The following MICAL2 variants were observed in gnomAD, a reference collection of about 807,000 sequenced individuals.
MICAL2 encodes the protein microtubule associated monooxygenase, calponin and LIM domain containing 2.
MICAL2 carries 77 observed loss-of-function variants against 127.3 expected under a neutral mutation model. The ratio of observed to expected loss-of-function variants is 0.60; its 90% CI spans 0.50 to 0.73. The LOEUF is 0.73. Ranked by LOEUF, MICAL2 falls within the 30% of genes least tolerant of loss-of-function variation. The probability of loss-of-function intolerance (pLI) is 0.00; values close to 1 mark genes in which losing one functional copy is unlikely to be tolerated. For missense variants in MICAL2, 1,351 were observed against 1,434.4 expected, an observed-to-expected ratio of 0.94 and a Z score of 0.94; for synonymous variants, 570 against 551.1, an observed-to-expected ratio of 1.03 and a Z score of -0.48.
intron 2 of MICAL2, among the ~76,000 whole-genome samples, chr11:12,282,402 A>C (rs538718453): frequency 6.6e-6 from 1 of 152,198 alleles, no homozygotes; most frequent in South Asian, 2.1e-4. Context: ...TCCAGATATG[A>C]AGTTGGCCTG....
intron 2 of MICAL2, among the ~76,000 whole-genome samples, chr11:12,147,488 A>G (rs1032745067): frequency 6.6e-6 from 1 of 152,254 alleles, no homozygotes; most frequent in Non-Finnish European, 1.5e-5. Flanking sequence ...TTGATTACCA[A>G]CTGAGAACCC....
chr11:12,218,148 C>T (rs950005422), intron 8 of MICAL2, among the ~76,000 whole-genome samples: 1 of 152,196 alleles, frequency 6.6e-6, no homozygotes, highest in Non-Finnish European at 1.5e-5. Context: ...GGGCTTCTTT[C>T]CATGGCTACC....
At chr11:12,320,979 C>T (rs1864288131) in intron 30 of MICAL2, among the ~76,000 whole-genome samples, 1 of 152,024 alleles carries the variant, frequency 6.6e-6, no homozygotes, top group Non-Finnish European at 1.5e-5. Flanking sequence ...TACTGCCCCT[C>T]TCATCCCCTT....
At chr11:12,199,752 C>G (rs375385782) in intron 3 of MICAL2, among the ~76,000 whole-genome samples, 18 of 152,194 alleles carry the variant, frequency 1.2e-4, no homozygotes, top group African/African-American at 3.9e-4. Context: ...CATCCTGACC[C>G]TTGATAAAGA....
chr11:12,114,615 C>T (rs1371347934), intron 1 of MICAL2, among the ~76,000 whole-genome samples: 4 of 152,180 alleles, frequency 2.6e-5, no homozygotes, highest in East Asian at 1.9e-4. Flanking sequence ...GTCTGGGACA[C>T]GCAGAGGCTC....
At chr11:12,213,476 A>T in intron 7 of MICAL2, 66 bp downstream of exon 7, 1 of 1,510,726 alleles carries the variant, frequency 6.6e-7, no homozygotes, top group Admixed American at 2.1e-5. Flanking sequence ...AAGTGTGCAG[A>T]GGCGTGTGCT....
chr11:12,263,403 G>A (rs2279617), intron 27 of MICAL2, 157 bp from the exon 28 acceptor site: 6,847 of 152,476 alleles, frequency 0.045, 365 homozygotes, highest in East Asian at 0.28. Context: ...GGCAACACTC[G>A]CGGTCTCAGG....
intron 29 of MICAL2, among the ~76,000 whole-genome samples, chr11:12,299,357 G>C (rs562990514): frequency 6.6e-6 from 1 of 152,078 alleles, no homozygotes; most frequent in Admixed American, 6.5e-5. Flanking sequence ...TAACTTGGGG[G>C]TGCACACTTC....
chr11:12,172,570 G>A (rs1249644910), intron 3 of MICAL2, among the ~76,000 whole-genome samples: 4 of 152,124 alleles, frequency 2.6e-5, no homozygotes, highest in Admixed American at 2.6e-4. Context: ...TGATATTAGT[G>A]TTGTAGGACT....
chr11:12,282,068 A>T (rs1863778354), intron 2 of MICAL2, among the ~76,000 whole-genome samples: 1 of 152,158 alleles, frequency 6.6e-6, no homozygotes, highest in African/African-American at 2.4e-5. Flanking sequence ...GGTCCGTGAA[A>T]TGTTTTCAGG....
Position 12,151,203 on chromosome 11 carries a change from T to C in MICAL2, c.-77-10876T>C, listed in dbSNP as rs538587781. 4.8e-3 allele frequency among the ~76,000 whole-genome samples: 736 copies of C among 152,242 alleles called. 2 individuals carry two copies. Among genetic ancestry groups the C allele is most frequent in the African/African-American group, 0.017 (699 of 41,532 alleles). ...ATGCTATTTGCAAATAGGGAAAGGA[T>C]GTCTTTTTCAAGATAGGTTGCACAT... On this transcript the variant is annotated intron_variant, in intron 2 of 27. Transcript: ENST00000683283.
At chr11:12,133,571 G>C (rs57899657) in intron 1 of MICAL2, among the ~76,000 whole-genome samples, 13,796 of 151,852 alleles carry the variant, frequency 0.091, 1,352 homozygotes, top group African/African-American at 0.24. Context: ...TTGTGACAGG[G>C]ACTATAGTCG....
At chr11:12,324,078 A>C in intron 31 of MICAL2, 1 of 1,606,234 alleles carries the variant, frequency 6.2e-7, no homozygotes, top group Non-Finnish European at 8.5e-7. Flanking sequence ...CAGGTCAGTA[A>C]ATAAACTGGA....
chr11:12,303,151 A>C (rs78866154), intron 29 of MICAL2, among the ~76,000 whole-genome samples: 2 of 152,262 alleles, frequency 1.3e-5, no homozygotes, highest in East Asian at 3.9e-4. Flanking sequence ...ACCAGGTCCC[A>C]CCCTTGATAC....
At position 12,255,676 on chromosome 11, in the gene MICAL2, G is replaced by T. The variant is rs1214973292; in HGVS notation, c.2881G>T (p.Ala961Ser). Residue 961 changes from alanine (A) to serine (S), a missense_variant, in exon 23 of 28, where the codon GCT becomes TCT. This residue lies in a region of MICAL2 where 752 missense variants were observed against 719.4 expected (regional missense o/e 1.05). Coordinates refer to ENST00000683283, the MANE Select transcript of MICAL2 (RefSeq NM_001282663.2). The stretch of plus-strand genomic sequence containing the variant: ...AGGGAAAGTGTCCAGCGGAATAGGG[G>T]CTGCAGCTGAAGTCCTGGTCAATCT... ...TVGKVSSGIG[A>S]AAEVLVNLYM... The T allele has an allele frequency of 1.9e-6, 3 of 1,614,068 alleles. No homozygotes were observed. Among genetic ancestry groups the T allele is most frequent in the Non-Finnish European group, 2.5e-6 (3 of 1,180,010 alleles).
intron 29 of MICAL2, among the ~76,000 whole-genome samples, chr11:12,300,216 C>A (rs1864031999): frequency 6.6e-6 from 1 of 152,120 alleles, no homozygotes; most frequent in Non-Finnish European, 1.5e-5. Context: ...ATTGATTGAA[C>A]CCAGGAGGCA....
chr11:12,302,392 C>T (rs149652350), intron 29 of MICAL2, among the ~76,000 whole-genome samples: 2,223 of 152,254 alleles, frequency 0.015, 26 homozygotes, highest in Non-Finnish European at 0.021. Flanking sequence ...GGAATGAGAG[C>T]TCCCCTTGCT....
In MICAL2 at chr11:12,209,552, G is replaced by A; in HGVS notation, c.645G>A (p.Glu215=). Residue 215 remains glutamate (E), a synonymous_variant, in exon 6 of 28, where the codon GAG becomes GAA. Coordinates refer to ENST00000683283, the MANE Select transcript of MICAL2 (RefSeq NM_001282663.2). The stretch of plus-strand genomic sequence containing the variant: ...CAGACCATTCTCTGTCGGAGTTTGA[G>A]TTTGACGTCATCATTGGTGCCGATG... The part of the protein sequence containing the change: ...LPTDHSLSEF[E]FDVIIGADGR... 6.2e-7 allele frequency: 1 copy of A among 1,614,194 alleles called. No homozygotes were observed.
intron 3 of MICAL2, among the ~76,000 whole-genome samples, chr11:12,183,932 A>G (rs1857820547): frequency 6.6e-6 from 1 of 152,028 alleles, no homozygotes; most frequent in Admixed American, 6.6e-5. Flanking sequence ...GGTGTGCACT[A>G]CTATGTTTGC....
Sources: gnomAD v4.1 joint callset for allele counts (sites outside exome capture counted in the v4.1 genomes callset) on GRCh38, gnomAD v4.1.1 for gene constraint, gnomAD v4.1.1 regional missense constraint, MANE v1.5 for transcripts, NCBI Gene and HGNC (gene_info 2026-07-23, HGNC 2026-07-21) for gene names.